The following SMG1 variants were observed in gnomAD, a reference collection of about 807,000 sequenced individuals.
The protein encoded by SMG1 is SMG1 nonsense mediated mRNA decay associated PI3K related kinase.
Under a neutral mutation model 419.9 loss-of-function variants are expected in SMG1, and 22 were observed. That is an observed-to-expected ratio of 0.05 (90% confidence interval 0.04 to 0.07). SMG1 has a LOEUF of 0.07. SMG1 is among the 10% of genes least tolerant of loss of function. The probability of loss-of-function intolerance (pLI) is 1.00; values close to 1 mark genes in which losing one functional copy is unlikely to be tolerated. For synonymous variants in SMG1, 1,538 were observed against 1,553.5 expected, an observed-to-expected ratio of 0.99 and a Z score of 0.23; for missense variants, 3,185 against 4,342.0, an observed-to-expected ratio of 0.73 and a Z score of 7.49.
chr16:18,833,321 T>A (rs2033336486), intron 50 of SMG1, among the ~76,000 whole-genome samples, 155 bp from the exon 51 acceptor site: 1 of 152,214 alleles, frequency 6.6e-6, no homozygotes, highest in East Asian at 1.9e-4. Context: ...TTATTTCTAC[T>A]TTTAAATATT....
At position 18,853,624 on chromosome 16, in the gene SMG1, G is replaced by A. The variant is rs193087934; in HGVS notation, c.4727C>T (p.Thr1576Met). 3.0e-5 allele frequency: 49 copies of A among 1,608,860 alleles called. No homozygotes were observed. In the Admixed American group the frequency reaches 3.2e-4, roughly 11 times the overall value. ...GATCCGAGGATACTCTTCTTCCATC[G>A]TATTAACAGATGGCAGTTCTATTAG... ...LTLIELPSVN[T>M]MEEEYPRIES... The change falls in exon 31 of 63, where the codon ACG becomes ATG. Residue 1576 changes from threonine (T) to methionine (M), a missense_variant. By Grantham distance (81) the Thr-to-Met change is moderately conservative. Around this residue, in one of 27 missense-constraint regions of SMG1, gnomAD observed 493 missense variants for 552.9 expected, o/e 0.89. Coordinates refer to ENST00000446231, the MANE Select transcript of SMG1 (RefSeq NM_015092.5).
At chr16:18,887,672 T>TTAAA (rs1555502692) in intron 6 of SMG1, among the ~76,000 whole-genome samples, 3 of 65,688 alleles carry the variant, frequency 4.6e-5, no homozygotes, top group African/African-American at 7.2e-5. Flanking sequence ...ACTTTTTATT[T>TTAAA]AAAAAAAAAA....
intron 33 of SMG1, among the ~76,000 whole-genome samples, chr16:18,851,644 G>A (rs151220389): frequency 6.6e-6 from 1 of 152,152 alleles, no homozygotes; most frequent in African/African-American, 2.4e-5. Context: ...CAACATTCAA[G>A]TGGTTCACCT....
At chr16:18,849,469 T>G (rs1596516910) in intron 35 of SMG1, 91 bp from the exon 36 acceptor site, 1 of 1,239,058 alleles carries the variant, frequency 8.1e-7, no homozygotes, top group East Asian at 2.3e-5. Context: ...TAAAACGTGA[T>G]GTGTGTCGGC....
rs199932464 is a variant in SMG1, at chr16:18,837,344, C to A, written c.7513G>T (p.Val2505Leu). The A allele has an allele frequency of 1.2e-6, 2 of 1,614,018 alleles. No homozygotes were observed. Among genetic ancestry groups the A allele is most frequent in the Non-Finnish European group, 1.7e-6 (2 of 1,179,888 alleles). ...AGTAGTTTGCCCTGCAGTTTTTCCACATCTGTCAGTTGCTCTTGCAAGCTT... is the reference window on the plus strand; with the variant it reads ...AGTAGTTTGCCCTGCAGTTTTTCCAAATCTGTCAGTTGCTCTTGCAAGCTT... ...YLSLQEQLTD[V>L]EKLQGKLLEE... The change falls in exon 46 of 63, where the codon GTG becomes TTG. Residue 2505 changes from valine to leucine, a missense_variant. Val to Leu is a conservative substitution (Grantham distance 32). This residue lies in a region of SMG1 where 412 missense variants were observed against 546.6 expected (regional missense o/e 0.75). Transcript: ENST00000446231.
chr16:18,911,570 A>G (rs1441195770), intron 1 of SMG1: 1 of 151,430 alleles, frequency 6.6e-6, no homozygotes, highest in Non-Finnish European at 1.5e-5. Context: ...TATCTCCACT[A>G]ATATTTTTCT....
At chr16:18,908,849 C>T (rs1031371493) in intron 1 of SMG1, among the ~76,000 whole-genome samples, 3 of 150,250 alleles carry the variant, frequency 2.0e-5, no homozygotes, top group Non-Finnish European at 4.4e-5. Flanking sequence ...CGCTGCACTC[C>T]AACCTGGGTG....
chr16:18,820,308 T>A (rs1309781933), intron 55 of SMG1, among the ~76,000 whole-genome samples: 2 of 151,586 alleles, frequency 1.3e-5, no homozygotes, highest in Admixed American at 6.6e-5. Flanking sequence ...GCTCAAGCCA[T>A]CCTCCCACCT....
At chr16:18,815,730 A>G (rs2031942712) in intron 58 of SMG1, 79 bp from the exon 59 acceptor site, 1 of 1,215,676 alleles carries the variant, frequency 8.2e-7, no homozygotes, top group Admixed American at 2.2e-5. Context: ...CTAGTGATTA[A>G]GTAACAAATG....
At chr16:18,922,742 A>T (rs2038243896) in intron 1 of SMG1, among the ~76,000 whole-genome samples, 1 of 152,016 alleles carries the variant, frequency 6.6e-6, no homozygotes, top group African/African-American at 2.4e-5. Flanking sequence ...AGCCTCCCAA[A>T]GTGCTGGGAT....
chr16:18,858,365 A>G, intron 28 of SMG1, 75 bp from the exon 29 acceptor site: 7 of 1,374,038 alleles, frequency 5.1e-6, no homozygotes, highest in Non-Finnish European at 6.9e-6. Context: ...GCAAGTCTTA[A>G]GTCCAAGACT....
intron 29 of SMG1, chr16:18,857,048 G>A (rs1188504103): frequency 6.6e-6 from 1 of 152,196 alleles, no homozygotes; most frequent in Non-Finnish European, 1.5e-5. Context: ...CAGTTCAGAA[G>A]TTCACTGATT....
chr16:18,850,636 T>C (rs972650037), intron 33 of SMG1, among the ~76,000 whole-genome samples, 169 bp from the exon 34 acceptor site: 2 of 152,260 alleles, frequency 1.3e-5, no homozygotes, highest in Admixed American at 6.5e-5. Context: ...CTTTATGATA[T>C]ATTTACTAAT....
Position 18,835,120 on chromosome 16 carries a change from T to C in SMG1, c.8102A>G (p.Gln2701Arg), listed in dbSNP as rs1363900872. Residue 2701 changes from glutamine to arginine, a missense_variant, in exon 49 of 63, where the codon CAG becomes CGG. Gln to Arg is a conservative substitution (Grantham distance 43). Transcript: ENST00000446231. Reference sequence around the variant, plus strand: ...GGTCATTTCAGTGGCAGTGATGAACTGACACACTGTTGGGGGTGGCTGGGG... The same window carrying C: ...GGTCATTTCAGTGGCAGTGATGAACCGACACACTGTTGGGGGTGGCTGGGG... ...YAPQPPPTVC[Q>R]FITATEMTLQ... 6.2e-7 allele frequency: 1 copy of C among 1,613,772 alleles called. No individual in the cohort carries two copies. Among genetic ancestry groups the C allele is most frequent in the Non-Finnish European group, 8.5e-7 (1 of 1,179,686 alleles).
At chr16:18,914,706 T>C (rs994951432) in intron 1 of SMG1, among the ~76,000 whole-genome samples, 1 of 152,028 alleles carries the variant, frequency 6.6e-6, no homozygotes, top group African/African-American at 2.4e-5. Flanking sequence ...TCTGGAATAT[T>C]TGTGTTTCAT....
intron 41 of SMG1, among the ~76,000 whole-genome samples, chr16:18,841,347 A>C (rs1215775654): frequency 6.7e-6 from 1 of 149,222 alleles, no homozygotes; most frequent in Non-Finnish European, 1.5e-5. Flanking sequence ...GCAGTGACCC[A>C]AAACCACACC....
At chr16:18,897,858 T>C (rs2037195759) in intron 1 of SMG1, among the ~76,000 whole-genome samples, 1 of 151,924 alleles carries the variant, frequency 6.6e-6, no homozygotes, top group African/African-American at 2.4e-5. Flanking sequence ...TCCAAGTAAG[T>C]TCTTCCCCTA....
chr16:18,881,945 G>A (rs2036417035), intron 10 of SMG1, among the ~76,000 whole-genome samples: 1 of 152,062 alleles, frequency 6.6e-6, no homozygotes, highest in South Asian at 2.1e-4. Context: ...TTTGTCATGG[G>A]AGGGTAGGGG....
chr16:18,813,069 T>C (rs78790829), intron 60 of SMG1, among the ~76,000 whole-genome samples: 45,474 of 150,924 alleles, frequency 0.3, 7,403 homozygotes, highest in Non-Finnish European at 0.38. Flanking sequence ...CAGTCTATCA[T>C]TGTTGGACAT....
Sources: allele counts gnomAD v4.1 joint callset (sites outside exome capture counted in the v4.1 genomes callset), GRCh38; gene constraint gnomAD v4.1.1; regional missense constraint gnomAD v4.1.1; transcripts MANE v1.5; gene names NCBI Gene and HGNC (gene_info 2026-07-23, HGNC 2026-07-21).